HSPA12B: variants seen among roughly 807,000 people sequenced by gnomAD.
HSPA12B encodes the protein heat shock 70 kDa protein 12B.
Under a neutral mutation model 69.3 loss-of-function variants are expected in HSPA12B, and 54 were observed. That is an observed-to-expected ratio of 0.78 (90% CI 0.63 to 0.98). The LOEUF (loss-of-function observed/expected upper bound fraction) is 0.98, where lower values mean the gene tolerates loss of function less well. Ranked by LOEUF, HSPA12B falls within the 50% of genes least tolerant of loss-of-function variation. HSPA12B has a pLI of 0.00. For synonymous variants in HSPA12B, 441 were observed against 436.5 expected, an observed-to-expected ratio of 1.01 and a Z score of -0.13; for missense variants, 929 against 999.8, an observed-to-expected ratio of 0.93 and a Z score of 0.96.
Position 3,744,889 on chromosome 20 carries a change from T to A in HSPA12B, c.267-13T>A. On this transcript the variant is annotated splice_polypyrimidine_tract_variant and intron_variant, in intron 4 of 12. Coordinates refer to ENST00000254963, the MANE Select transcript of HSPA12B (RefSeq NM_052970.5). This position sits in a 1 kb window ranked among gnomAD's most constrained non-coding sequence, Gnocchi z 4.9. ...GAAGGGAGGGTTGCACTGACTGCCC[T>A]GTGCCTCCGCAGGAAATGGGAGGGC... 1 of 1,610,664 alleles carries A rather than the reference T, an allele frequency of 6.2e-7. No homozygotes were observed. Among genetic ancestry groups the A allele is most frequent in the Non-Finnish European group, 8.5e-7 (1 of 1,179,538 alleles).
chr20:3,751,739 T>C lies in HSPA12B; in HGVS notation c.1634T>C (p.Val545Ala). ...CGCCGCTCGCCGCTCACCTATGGCG[T>C]GGGCGTGCTCAACCGCTTTGTGCCT... Reference protein sequence around the residue: ...RVRRSPLTYGVGVLNRFVPGR... With the variant: ...RVRRSPLTYGAGVLNRFVPGR... The change falls in exon 13 of 13, where the codon GTG (valine) becomes GCG (alanine). Residue 545 changes from valine to alanine, a missense_variant. Physicochemically the swap from Val to Ala is moderately conservative, Grantham distance 64 (BLOSUM62 0). Transcript: ENST00000254963. The C allele has an allele frequency of 6.6e-7, 1 of 1,518,760 alleles. No individual in the cohort carries two copies. Among genetic ancestry groups the C allele is most frequent in the Non-Finnish European group, 8.8e-7 (1 of 1,138,620 alleles). 94.1% of individuals were successfully genotyped at this position (1,518,760 alleles called of 1,614,324 possible).
Position 3,750,143 on chromosome 20 carries a change from TCAA to T in HSPA12B, c.1220_1222del (p.Asn407del). ...GCTGGCCCACACCGTGCAGGGGCGCTCAACATCTCGCTGCCCTTCTCCTTCATT... is the reference window on the plus strand; with the variant it reads ...GCTGGCCCACACCGTGCAGGGGCGCTCATCTCGCTGCCCTTCTCCTTCATT... On this transcript the variant is annotated inframe_deletion, in exon 11 of 13. Coordinates refer to ENST00000254963, the MANE Select transcript of HSPA12B (RefSeq NM_052970.5). 1.2e-6 allele frequency: 2 copies of T among 1,611,738 alleles called. No individual in the cohort carries two copies. The highest frequency in any genetic ancestry group is 2.2e-5 in the South Asian group (2 of 90,908).
Position 3,749,212 on chromosome 20 carries a change from T to G in HSPA12B, c.851-20T>G, listed in dbSNP as rs2088363306. The G allele has an allele frequency of 6.2e-7, 1 of 1,607,364 alleles. No individual in the cohort carries two copies. Among genetic ancestry groups the G allele is most frequent in the Admixed American group, 1.7e-5 (1 of 59,542 alleles). On this transcript the variant is annotated intron_variant, in intron 8 of 12. Transcript: ENST00000254963. This position sits in a 1 kb window ranked among gnomAD's most constrained non-coding sequence, Gnocchi z 5.5. ...AGCACCTCCTTCTAATCTCACTCCC[T>G]GCTGTCTCCTGACCCCCAGCTCGGG...
Position 3,752,389 on chromosome 20 carries a change from G to T in HSPA12B, c.*223G>T. ...GGTCCGCTGACTGCCAGGCTGAAGG[G>T]ACCCGCCAAGGACTGAACGGGTAAG... is the stretch of plus-strand genomic sequence containing the variant. On this transcript the variant is annotated 3_prime_UTR_variant, in exon 13 of 13. Transcript: ENST00000254963. The T allele has an allele frequency of 1.0e-5, 5 of 478,562 alleles. No individual in the cohort carries two copies. The highest frequency in any genetic ancestry group is 1.1e-5 in the Non-Finnish European group (3 of 277,808). The allele number at this position is 478,562 out of a possible 1,614,324, so 29.6% of individuals were successfully genotyped here. A position where few individuals can be genotyped will look rare whatever the true frequency, so the allele number is the denominator to read the frequency against.
chr20:3,748,399 GC>G lies in HSPA12B; in HGVS notation c.850+13del. 10 of 1,574,718 alleles carry G rather than the reference GC, an allele frequency of 6.4e-6. No homozygotes were observed. The highest frequency in any genetic ancestry group is 1.1e-5 in the South Asian group (1 of 87,038). ...ACTCCAGCTTCCGTCAGGGTGAGCT[GC>G]CCCCGGGGACACCACCCACCCCTGG... is the stretch of plus-strand genomic sequence containing the variant. On this transcript the variant is annotated intron_variant, in intron 8 of 12. Transcript: ENST00000254963.
intron 4 of HSPA12B, among the ~76,000 whole-genome samples, chr20:3,743,184 C>T (rs1467852012): frequency 1.4e-5 from 2 of 139,338 alleles, no homozygotes; most frequent in African/African-American, 2.7e-5. Flanking sequence ...CCAACCTGGC[C>T]TTTTTTTTTT....
intron 12 of HSPA12B, 104 bp from the exon 13 acceptor site, chr20:3,751,407 A>G: frequency 1.5e-6 from 2 of 1,354,738 alleles, no homozygotes; most frequent in Non-Finnish European, 1.9e-6. Context: ...CAGGCTAGGG[A>G]GGGGAGGCGC....
At chr20:3,743,027 C>T (rs2088231610) in intron 4 of HSPA12B, among the ~76,000 whole-genome samples, 1 of 144,714 alleles carries the variant, frequency 6.9e-6, no homozygotes, top group South Asian at 2.4e-4. Flanking sequence ...GCGACCGCCA[C>T]CACACCCAGC....
Position 3,740,800 on chromosome 20 carries a change from G to A in HSPA12B, c.44-15G>A, listed in dbSNP as rs759594809. ...CCTGCTTGTGCCAGGATGAACTGCC[G>A]TCTCTTCTCTGCAGGCTCCAGCCCG... On this transcript the variant is annotated splice_polypyrimidine_tract_variant and intron_variant, in intron 2 of 12. Coordinates refer to ENST00000254963, the MANE Select transcript of HSPA12B (RefSeq NM_052970.5). The surrounding 1 kb of genome is among the most constrained non-coding windows in gnomAD (Gnocchi z 4.9). 21 of 1,609,902 alleles carry A rather than the reference G, an allele frequency of 1.3e-5. No homozygotes were observed. Among genetic ancestry groups the A allele is most frequent in the East Asian group, 8.9e-5 (4 of 44,812 alleles).
rs868195978 is a variant in HSPA12B at position 3,752,217 on chromosome 20, G to T, written c.*51G>T. On this transcript the variant is annotated 3_prime_UTR_variant, in exon 13 of 13. Transcript: ENST00000254963. ...CGTCTGCCCGGCCCCGCCCTCTTTC[G>T]GTTCAGGGGCCTGCGGAGCGGGTTG... 4 of 1,420,290 alleles carry T rather than the reference G, an allele frequency of 2.8e-6. No homozygotes were observed. The Middle Eastern group carries it at 8.1e-4, about 288-fold the overall frequency. The allele number at this position is 1,420,290 out of a possible 1,614,324, so 88.0% of individuals were successfully genotyped here. A position where few individuals can be genotyped will look rare whatever the true frequency, so the allele number is the denominator to read the frequency against.
intron 8 of HSPA12B, 106 bp downstream of exon 8, chr20:3,748,497 A>G: frequency 2.8e-6 from 3 of 1,090,166 alleles, no homozygotes; most frequent in Non-Finnish European, 3.6e-6. Flanking sequence ...CCCACCCTGG[A>G]GGAGCCCAAT....
Position 3,745,679 on chromosome 20 carries a change from CCCGACATTGGATGGGTAG to C in HSPA12B, c.558+85_558+102del. ...TCCGAAACCGCTCCCCCATCCCGTC[CCCGACATTGGATGGGTAG>C]CCACCGCCGGAGCTCAGAGGTCATC... On this transcript the variant is annotated intron_variant, in intron 6 of 12. Transcript: ENST00000254963. The surrounding 1 kb of genome is among the most constrained non-coding windows in gnomAD (Gnocchi z 5.6). 7.8e-7 allele frequency: 1 copy of C among 1,276,150 alleles called. No homozygotes were observed. The highest frequency in any genetic ancestry group is 1.1e-6 in the Non-Finnish European group (1 of 886,162). 79.1% of individuals were successfully genotyped at this position (1,276,150 alleles called of 1,614,324 possible).
Position 3,746,363 on chromosome 20 carries a change from C to T in HSPA12B, c.675+332C>T, listed in dbSNP as rs555688427. Among the ~76,000 whole-genome samples the T allele has an allele frequency of 4.1e-5, 5 of 122,504 alleles. No individual in the cohort carries two copies. In the East Asian group the frequency reaches 1.1e-3, roughly 26 times the overall value. The allele number at this position is 122,504 out of a possible 152,430, so 80.4% of individuals were successfully genotyped here. ...TGTCGCCCAGGCTGGAGCGCAGTGG[C>T]GTGATCTCGGCTCACTGCAAGCTCT... On this transcript the variant is annotated intron_variant, in intron 7 of 12. Coordinates refer to ENST00000254963, the MANE Select transcript of HSPA12B (RefSeq NM_052970.5).
chr20:3,739,822 G>A (rs2088168212), intron 2 of HSPA12B, among the ~76,000 whole-genome samples: 1 of 152,148 alleles, frequency 6.6e-6, no homozygotes. Context: ...CTCAGCCTAA[G>A]GCGAGCCAGA....
intron 1 of HSPA12B, among the ~76,000 whole-genome samples, chr20:3,733,361 G>A (rs2088060410): frequency 6.6e-6 from 1 of 152,128 alleles, no homozygotes; most frequent in South Asian, 2.1e-4. Context: ...GTGTTGATGA[G>A]AGAGACTGGA....
In HSPA12B at chr20:3,740,843, T is replaced by A; in HGVS notation, c.72T>A (p.Pro24=). ...IGSSPERSPV[P]SPPGSPRTQE... Reference sequence around the variant, plus strand: ...CCAGCCCGGAGCGGTCCCCAGTGCCTAGCCCACCCGGCTCCCCGAGGACCC... The same window carrying A: ...CCAGCCCGGAGCGGTCCCCAGTGCCAAGCCCACCCGGCTCCCCGAGGACCC... Residue 24 remains proline, a synonymous_variant, in exon 3 of 13, where the codon CCT becomes CCA. Coordinates refer to ENST00000254963, the MANE Select transcript of HSPA12B (RefSeq NM_052970.5). This position sits in a 1 kb window ranked among gnomAD's most constrained non-coding sequence, Gnocchi z 4.9. 6.2e-7 allele frequency: 1 copy of A among 1,613,850 alleles called. No individual in the cohort carries two copies. The highest frequency in any genetic ancestry group is 1.1e-5 in the South Asian group (1 of 91,066).
Position 3,752,589 on chromosome 20 carries a change from T to G in HSPA12B, c.*423T>G. The G allele has an allele frequency of 1.8e-5, 3 of 166,542 alleles. No homozygotes were observed. Among genetic ancestry groups the G allele is most frequent in the Non-Finnish European group, 2.6e-5 (2 of 76,938 alleles). The allele number at this position is 166,542 out of a possible 1,614,324, so 10.3% of individuals were successfully genotyped here. A position where few individuals can be genotyped will look rare whatever the true frequency, so the allele number is the denominator to read the frequency against. On this transcript the variant is annotated 3_prime_UTR_variant, in exon 13 of 13. Transcript: ENST00000254963. Reference sequence around the variant, plus strand: ...AGGGTCTGGACCTGCAGGGCTGAAGTTCACTCATCGACCGACTCAGCCCCA... The same window carrying G: ...AGGGTCTGGACCTGCAGGGCTGAAGGTCACTCATCGACCGACTCAGCCCCA...
intron 3 of HSPA12B, among the ~76,000 whole-genome samples, chr20:3,741,557 T>TGGGAAGC (rs1292321495): frequency 2.0e-5 from 3 of 152,256 alleles, no homozygotes; most frequent in Admixed American, 1.3e-4. Flanking sequence ...TGCTTGAACC[T>TGGGAAGC]GGGAAGCGGA....
rs1600328510 is a variant in HSPA12B, at chr20:3,749,344, T to A, written c.937+26T>A. 6.3e-7 allele frequency: 1 copy of A among 1,595,854 alleles called. No homozygotes were observed. Among genetic ancestry groups the A allele is most frequent in the Non-Finnish European group, 8.6e-7 (1 of 1,165,826 alleles). On this transcript the variant is annotated intron_variant, in intron 9 of 12. Transcript: ENST00000254963. The surrounding 1 kb of genome is among the most constrained non-coding windows in gnomAD (Gnocchi z 5.5). ...GTAGGGGGAAAGGGGGACGGAGTGT[T>A]ATCCTTGGCCCCTACCGGGCACCAT...
Sources: allele counts gnomAD v4.1 joint callset (sites outside exome capture counted in the v4.1 genomes callset), GRCh38; gene constraint gnomAD v4.1.1; non-coding constraint Gnocchi (gnomAD v3.1); transcripts MANE v1.5; gene names NCBI Gene and HGNC (gene_info 2026-07-23, HGNC 2026-07-21).